The following RUNX1T1 variants were observed in gnomAD, a reference collection of about 807,000 sequenced individuals.
RUNX1T1 encodes RUNX1 partner transcriptional co-repressor 1, also known as protein CBFA2T1.
A neutral mutation model predicts 62.8 loss-of-function variants in RUNX1T1; 4 were observed. That is an observed-to-expected ratio of 0.06 (90% confidence interval 0.03 to 0.15). RUNX1T1 has a LOEUF of 0.15. Ranked by LOEUF, RUNX1T1 falls within the 10% of genes least tolerant of loss-of-function variation. RUNX1T1 has a pLI of 1.00. For missense variants in RUNX1T1, 508 were observed against 754.3 expected (o/e 0.67, Z 3.82); for synonymous variants, 291 against 286.0 (o/e 1.02, Z -0.18).
At chr8:91,999,664 T>C (rs1398820905) in intron 5 of RUNX1T1, among the ~76,000 whole-genome samples, 1 of 152,040 alleles carries the variant, frequency 6.6e-6, no homozygotes. Flanking sequence ...CATAGGATAG[T>C]GAGGAAAGAA....
At chr8:92,080,283 T>G (rs1418013295) in intron 1 of RUNX1T1, among the ~76,000 whole-genome samples, 1 of 152,236 alleles carries the variant, frequency 6.6e-6, no homozygotes, top group Admixed American at 6.5e-5. Flanking sequence ...CGTGGCTACT[T>G]CTGTGACCTG....
chr8:91,996,137 G>C (rs1484856791), intron 5 of RUNX1T1, among the ~76,000 whole-genome samples: 1 of 152,048 alleles, frequency 6.6e-6, no homozygotes, highest in African/African-American at 2.4e-5. Flanking sequence ...GAAGTGAGAG[G>C]TAACTGTATT....
At chr8:92,019,911 A>G (rs1783438934) in intron 1 of RUNX1T1, among the ~76,000 whole-genome samples, 1 of 152,208 alleles carries the variant, frequency 6.6e-6, no homozygotes, top group African/African-American at 2.4e-5. Context: ...TGAAATGTCA[A>G]CAATAACTAC....
At chr8:92,015,275 T>C (rs1822767420) in intron 2 of RUNX1T1, among the ~76,000 whole-genome samples, 4 of 152,254 alleles carry the variant, frequency 2.6e-5, no homozygotes, top group Admixed American at 1.3e-4. Flanking sequence ...TCATGTTTTG[T>C]ACACACAACT....
At chr8:92,075,071 C>T (rs1834218323) in intron 2 of RUNX1T1, among the ~76,000 whole-genome samples, 2 of 152,198 alleles carry the variant, frequency 1.3e-5, no homozygotes, top group Admixed American at 1.3e-4. Flanking sequence ...TGGATGCTAG[C>T]AGTGATGTTT....
intron 1 of RUNX1T1, among the ~76,000 whole-genome samples, chr8:92,043,287 G>A (rs1007683051): frequency 2.0e-5 from 3 of 152,046 alleles, no homozygotes; most frequent in Non-Finnish European, 4.4e-5. Context: ...AAGATTAGAT[G>A]AGATATCCTC....
intron 1 of RUNX1T1, among the ~76,000 whole-genome samples, chr8:92,039,689 T>C (rs1307608299): frequency 6.6e-6 from 1 of 152,224 alleles, no homozygotes; most frequent in Non-Finnish European, 1.5e-5. Context: ...GTGAACTCAC[T>C]GTCTTCTCTC....
chr8:92,041,479 G>A (rs1440492334), intron 1 of RUNX1T1, among the ~76,000 whole-genome samples: 1 of 152,170 alleles, frequency 6.6e-6, no homozygotes, highest in South Asian at 2.1e-4. Context: ...TGTGGCTCAC[G>A]CCTGTAATCC....
chr8:92,084,335 G>A (rs1835763659), intron 1 of RUNX1T1, among the ~76,000 whole-genome samples: 1 of 151,996 alleles, frequency 6.6e-6, no homozygotes, highest in Non-Finnish European at 1.5e-5. Flanking sequence ...TTTATTGTAT[G>A]TTTTTTAGTT....
chr8:91,987,670 A>G (rs1377030708), intron 6 of RUNX1T1, among the ~76,000 whole-genome samples: 2 of 152,300 alleles, frequency 1.3e-5, no homozygotes, highest in Non-Finnish European at 1.5e-5. Context: ...TCCATGAAAA[A>G]GTAATACATA....
At chr8:91,964,549 C>T (rs1322373254) in intron 10 of RUNX1T1, among the ~76,000 whole-genome samples, 1 of 152,150 alleles carries the variant, frequency 6.6e-6, no homozygotes, top group Non-Finnish European at 1.5e-5. Flanking sequence ...ATCATTTTCA[C>T]ATGATTGCAG....
chr8:92,000,214 G>A (rs972739870), intron 5 of RUNX1T1, among the ~76,000 whole-genome samples: 1 of 152,076 alleles, frequency 6.6e-6, no homozygotes, highest in Non-Finnish European at 1.5e-5. Context: ...GCTGAGACAG[G>A]AGAATTGCTT....
At chr8:92,044,965 C>G (rs1829131474) in intron 1 of RUNX1T1, among the ~76,000 whole-genome samples, 1 of 151,672 alleles carries the variant, frequency 6.6e-6, no homozygotes, top group Non-Finnish European at 1.5e-5. Flanking sequence ...GTGCAGGGGC[C>G]TAAGCCTGTA....
intron 3 of RUNX1T1, among the ~76,000 whole-genome samples, chr8:92,012,164 A>C (rs1020539077): frequency 5.9e-5 from 9 of 152,224 alleles, no homozygotes; most frequent in South Asian, 2.1e-4. Flanking sequence ...ATGAATAAAC[A>C]ATAACTTCCT....
chr8:92,039,590 C>A (rs1275841955), intron 1 of RUNX1T1, among the ~76,000 whole-genome samples: 1 of 152,194 alleles, frequency 6.6e-6, no homozygotes, highest in Non-Finnish European at 1.5e-5. Flanking sequence ...TCACTGTATA[C>A]ATCTGTACCT....
intron 1 of RUNX1T1, among the ~76,000 whole-genome samples, chr8:92,055,942 T>C (rs56667082): frequency 6.6e-6 from 1 of 152,196 alleles, no homozygotes; most frequent in African/African-American, 2.4e-5. Flanking sequence ...GATACAACCA[T>C]AACAACTAAG....
rs1352263007 is a variant in RUNX1T1, at chr8:92,017,705, T to C, written c.8-342A>G. 1.5e-5 allele frequency: 18 copies of C among 1,163,468 alleles called. 1 individual carries two copies. The highest frequency in any genetic ancestry group is 1.9e-5 in the Non-Finnish European group (17 of 918,782). The allele number at this position is 1,163,468 out of a possible 1,614,324, so 72.1% of individuals were successfully genotyped here. ...AAGAGGTAGAAAATAGATGAGGAAG[T>C]GGGATGATAATGAACCCCTCATGAC... On this transcript the variant is annotated intron_variant, in intron 1 of 10. Transcript: ENST00000396218.
intron 2 of RUNX1T1, among the ~76,000 whole-genome samples, chr8:92,070,872 T>G (rs1483122786): frequency 1.3e-5 from 2 of 152,342 alleles, no homozygotes; most frequent in East Asian, 3.9e-4. Context: ...ACCAAATCAC[T>G]GCACATGTAG....
exon 11 of RUNX1T1, chr8:91,959,799 T>C (rs1053382572): frequency 4.0e-6 from 1 of 251,002 alleles, no homozygotes; most frequent in African/African-American, 2.2e-5. Flanking sequence ...TTCCTCTTTT[T>C]TTTTTTTCCA....
Sources: gnomAD v4.1 joint callset for allele counts (sites outside exome capture counted in the v4.1 genomes callset) on GRCh38, gnomAD v4.1.1 for gene constraint, MANE v1.5 for transcripts, NCBI Gene and HGNC (gene_info 2026-07-23, HGNC 2026-07-21) for gene names.